DHCR24: variants seen among roughly 807,000 people sequenced by gnomAD.
The protein encoded by DHCR24 is 24-dehydrocholesterol reductase.
DHCR24 carries 28 observed loss-of-function variants against 61.2 expected under a neutral mutation model. That is an observed-to-expected ratio of 0.46 (90% confidence interval 0.34 to 0.63). DHCR24 has a LOEUF of 0.63. DHCR24 is among the 20% of genes least tolerant of loss of function. DHCR24 has a pLI of 0.01. For synonymous variants in DHCR24, 261 were observed against 275.9 expected (o/e 0.95, Z 0.54); for missense variants, 538 against 679.1 (o/e 0.79, Z 2.31).
chr1:54,886,454 C>T (rs1647096595), intron 1 of DHCR24, among the ~76,000 whole-genome samples: 1 of 152,222 alleles, frequency 6.6e-6, no homozygotes, highest in Non-Finnish European at 1.5e-5. Flanking sequence ...CGACGTTCTC[C>T]CGCCCCTGCC....
chr1:54,861,919 A>C (rs1304300795), intron 6 of DHCR24, among the ~76,000 whole-genome samples: 1 of 152,212 alleles, frequency 6.6e-6, no homozygotes, highest in Admixed American at 6.5e-5. Context: ...TATTTCACTG[A>C]GAAAACAGAA....
Position 54,883,699 on chromosome 1 carries a change from T to C in DHCR24, c.306A>G (p.Leu102=). The change falls in exon 2 of 9, where the codon CTA becomes CTG. Residue 102 remains leucine (L), a synonymous_variant. Transcript: ENST00000371269. The surrounding 1 kb of genome is among the most constrained non-coding windows in gnomAD (Gnocchi z 4.3). The part of the protein sequence containing the change: ...TGRPGWLTVS[L]RVGKYKKTHK... ...GTGTCTTCTTGTACTTCCCGACACG[T>C]AGTGAGACAGTGAGCCAGCCAGGGC... 1 of 1,614,226 alleles carries C rather than the reference T, an allele frequency of 6.2e-7. No homozygotes were observed. The highest frequency in any genetic ancestry group is 2.2e-5 in the East Asian group (1 of 44,894).
intron 4 of DHCR24, among the ~76,000 whole-genome samples, chr1:54,872,474 G>T (rs544355007): frequency 1.3e-5 from 2 of 152,244 alleles, no homozygotes; most frequent in East Asian, 3.9e-4. Flanking sequence ...TGCTCTTGGT[G>T]GTGGGCACAG....
rs1215612379 is a variant in DHCR24 at position 54,886,608 on chromosome 1, TGA to T, written c.231+279_231+280del. 2.8e-6 allele frequency: 4 copies of T among 1,453,694 alleles called. No homozygotes were observed. In the Admixed American group the frequency reaches 6.2e-5, roughly 23 times the overall value. 90.0% of individuals were successfully genotyped at this position (1,453,694 alleles called of 1,614,324 possible). On this transcript the variant is annotated intron_variant, in intron 1 of 8. Coordinates refer to ENST00000371269, the MANE Select transcript of DHCR24 (RefSeq NM_014762.4). ...CCTTCTCTGAAATGCTTGGGCCGGG[TGA>T]GAGTTACCTGAGTGCTTCGCACCTC...
chr1:54,870,530 C>T (rs1263945757), intron 5 of DHCR24, among the ~76,000 whole-genome samples: 1 of 152,244 alleles, frequency 6.6e-6, no homozygotes, highest in Non-Finnish European at 1.5e-5. Context: ...ACCCTATGCA[C>T]ATCCTCCTGT....
chr1:54,861,473 C>G (rs367948624), intron 6 of DHCR24, among the ~76,000 whole-genome samples: 3 of 152,266 alleles, frequency 2.0e-5, no homozygotes, highest in East Asian at 3.9e-4. Context: ...CTAGCTTACG[C>G]CCTCTAGTCC....
At chr1:54,855,608 G>T (rs1363137493) in intron 6 of DHCR24, among the ~76,000 whole-genome samples, 4 of 152,210 alleles carry the variant, frequency 2.6e-5, no homozygotes, top group Non-Finnish European at 4.4e-5. Flanking sequence ...ATCAGACTAG[G>T]GGGCACGGTG....
At position 54,852,435 on chromosome 1, in the gene DHCR24, C is replaced by T. The variant is rs667222; in HGVS notation, c.1398-49G>A. 502,208 of 1,608,954 alleles carry T rather than the reference C, an allele frequency of 0.31. 81,582 individuals are homozygous for T. The highest frequency in any genetic ancestry group is 0.56 in the East Asian group (25,052 of 44,854). ...AGGACGCCAGGAGGCACACGGAACG[C>T]GAGGCGTGAGAGAAACCCAACTGCT... On this transcript the variant is annotated intron_variant, in intron 8 of 8. Transcript: ENST00000371269.
chr1:54,852,036 G>T lies in DHCR24; in HGVS notation c.*197C>A. The T allele has an allele frequency of 1.6e-6, 1 of 641,538 alleles. No individual in the cohort carries two copies. The highest frequency in any genetic ancestry group is 2.7e-6 in the Non-Finnish European group (1 of 373,066). The allele number at this position is 641,538 out of a possible 1,614,324, so 39.7% of individuals were successfully genotyped here. On this transcript the variant is annotated 3_prime_UTR_variant, in exon 9 of 9. Transcript: ENST00000371269. ...CGGGGAACTGGACTCAGGCTTGTCTGACTCCAAATCCCACATTCTTTCCAT... is the reference window on the plus strand; with the variant it reads ...CGGGGAACTGGACTCAGGCTTGTCTTACTCCAAATCCCACATTCTTTCCAT...
At chr1:54,886,593 A>C in intron 1 of DHCR24, 1 of 1,426,886 alleles carries the variant, frequency 7.0e-7, no homozygotes, top group East Asian at 3.2e-5. Context: ...CCTTCTCTGA[A>C]ATGCTTGGGC....
In DHCR24 at chr1:54,855,941, C is replaced by T. The variant is rs537498981; in HGVS notation, c.1021-1707G>A. Among the ~76,000 whole-genome samples the T allele has an allele frequency of 1.8e-3, 270 of 146,806 alleles. 1 individual carries two copies. Among genetic ancestry groups the T allele is most frequent in the African/African-American group, 6.4e-3 (259 of 40,546 alleles). On this transcript the variant is annotated intron_variant, in intron 6 of 8. Transcript: ENST00000371269. ...CCTGGCTCCCCACCCACCCTCAACTCTCCTCCCCCTCCCTAATGGCAAGCA... is the reference window on the plus strand; with the variant it reads ...CCTGGCTCCCCACCCACCCTCAACTTTCCTCCCCCTCCCTAATGGCAAGCA...
intron 5 of DHCR24, among the ~76,000 whole-genome samples, chr1:54,865,889 G>T (rs148620059): frequency 6.6e-6 from 1 of 151,992 alleles, no homozygotes; most frequent in Non-Finnish European, 1.5e-5. Context: ...GGCACCAACT[G>T]GTCATGGCAC....
chr1:54,886,839 G>T (rs755595285), intron 1 of DHCR24, 50 bp downstream of exon 1: 5 of 1,482,688 alleles, frequency 3.4e-6, no homozygotes, highest in Non-Finnish European at 3.6e-6. Context: ...CGCTATCCCC[G>T]CGCACGCCGC....
intron 2 of DHCR24, among the ~76,000 whole-genome samples, chr1:54,877,533 AC>A (rs1298506602): frequency 1.3e-5 from 2 of 151,776 alleles, no homozygotes; most frequent in Non-Finnish European, 2.9e-5. Flanking sequence ...AGGCGGGAGG[AC>A]TGCTTGAGGC....
chr1:54,877,820 G>A (rs656444), intron 2 of DHCR24, among the ~76,000 whole-genome samples: 77,536 of 151,592 alleles, frequency 0.51, 21,048 homozygotes, highest in South Asian at 0.7. Flanking sequence ...AGACCAGCCC[G>A]ACAACATGGC....
chr1:54,875,152 G>A lies in DHCR24; in HGVS notation c.553C>T (p.His185Tyr), dbSNP rs1647019572. The stretch of plus-strand genomic sequence containing the variant: ...ACCAGCTCGTAAGCAGTGCAGATGT[G>A]TTGGAACAGGCCGTACTTGTGGGAT... ...SSSHKYGLFQHICTAYELVLA... is the reference protein window; with the variant it reads ...SSSHKYGLFQYICTAYELVLA... Residue 185 changes from histidine to tyrosine, a missense_variant, in exon 4 of 9, where the codon CAC (histidine) becomes TAC (tyrosine). Coordinates refer to ENST00000371269, the MANE Select transcript of DHCR24 (RefSeq NM_014762.4). The A allele has an allele frequency of 6.2e-7, 1 of 1,614,196 alleles. No homozygotes were observed. Among genetic ancestry groups the A allele is most frequent in the African/African-American group, 1.3e-5 (1 of 75,038 alleles).
chr1:54,861,087 A>T (rs1204242434), intron 6 of DHCR24, among the ~76,000 whole-genome samples: 1 of 151,892 alleles, frequency 6.6e-6, no homozygotes, highest in East Asian at 1.9e-4. Context: ...CTTTCTTTAC[A>T]TTCCAGTGAT....
intron 8 of DHCR24, 79 bp downstream of exon 8, chr1:54,853,355 T>C: frequency 6.3e-7 from 1 of 1,577,400 alleles, no homozygotes; most frequent in South Asian, 1.1e-5. Flanking sequence ...TGGTTCTCCA[T>C]AGAGCTGGCC....
intron 6 of DHCR24, among the ~76,000 whole-genome samples, chr1:54,861,353 G>A (rs149650761): frequency 7.2e-5 from 11 of 152,246 alleles, no homozygotes; most frequent in African/African-American, 2.4e-4. Context: ...TTGTTGTTTG[G>A]CCTTTTAGGA....
Sources: allele counts gnomAD v4.1 joint callset (sites outside exome capture counted in the v4.1 genomes callset), GRCh38; gene constraint gnomAD v4.1.1; non-coding constraint Gnocchi (gnomAD v3.1); transcripts MANE v1.5; gene names NCBI Gene and HGNC (gene_info 2026-07-23, HGNC 2026-07-21).